KIAA1755: variants seen among roughly 807,000 people sequenced by gnomAD.
KIAA1755 encodes the protein KIAA1755, also known as uncharacterized protein KIAA1755.
KIAA1755 carries 68 observed loss-of-function variants against 91.7 expected under a neutral mutation model. The observed-to-expected ratio is 0.74, with a 90% confidence interval of 0.61 to 0.91. The LOEUF (loss-of-function observed/expected upper bound fraction) is 0.91. Among genes scored for constraint, KIAA1755 ranks in the 40% least tolerant of loss-of-function variants. The pLI is 0.00. For synonymous variants in KIAA1755, 610 were observed against 604.6 expected (o/e 1.01, Z -0.13); for missense variants, 1,535 against 1,494.4 (o/e 1.03, Z -0.45).
At chr20:38,245,880 G>T (rs2123273285) in intron 2 of KIAA1755, 49 bp downstream of exon 2, 1 of 1,580,572 alleles carries the variant, frequency 6.3e-7, no homozygotes, top group Non-Finnish European at 8.7e-7. Flanking sequence ...CTAGCCCCAT[G>T]ACTTTCTGGA....
chr20:38,212,442 A>G lies in KIAA1755; in HGVS notation c.*600T>C, dbSNP rs1022442862. ...GCCCCATCTCTAAACATAAAATACA[A>G]TGAAGTTTTAAAAATTAAAAAAAAG... On this transcript the variant is annotated 3_prime_UTR_variant, in exon 14 of 14. Coordinates refer to ENST00000279024, the MANE Select transcript of KIAA1755 (RefSeq NM_001029864.2). 6.6e-6 allele frequency: 1 copy of G among 152,304 alleles called. No homozygotes were observed. The highest frequency in any genetic ancestry group is 2.1e-4 in the South Asian group (1 of 4,828). 9.4% of individuals were successfully genotyped at this position (152,304 alleles called of 1,614,324 possible). A position where few individuals can be genotyped will look rare whatever the true frequency, so the allele number is the denominator to read the frequency against.
chr20:38,229,021 C>T lies in KIAA1755; in HGVS notation c.1872-781G>A, dbSNP rs1196346642. ...CTACTCCTCTCCCATCCCCACCCCT[C>T]TAGCCATCTGGCCAGTGGGTACAGG... On this transcript the variant is annotated intron_variant, in intron 5 of 13. Transcript: ENST00000279024. 2.6e-5 allele frequency among the ~76,000 whole-genome samples: 4 copies of T among 152,192 alleles called. No individual in the cohort carries two copies. In the East Asian group the frequency reaches 7.7e-4, roughly 29 times the overall value.
At chr20:38,220,913 A>G (rs894725038) in intron 10 of KIAA1755, among the ~76,000 whole-genome samples, 2 of 152,252 alleles carry the variant, frequency 1.3e-5, no homozygotes, top group African/African-American at 4.8e-5. Flanking sequence ...CAAAGCCACA[A>G]GTCACTAAGG....
rs764652140 is a variant in KIAA1755, at chr20:38,245,964, T to C, written c.166A>G (p.Lys56Glu). ...SFLLDFLIPA[K>E]RLCEQVREAA... ...TCTCGCACTTGCTCACACAGGCGCT[T>C]GGCAGGGATCAGGAAATCCAGAAGG... The change falls in exon 2 of 14, where the codon AAG becomes GAG. Residue 56 changes from lysine to glutamate, a missense_variant. Lys to Glu is a moderately conservative substitution (Grantham distance 56). Coordinates refer to ENST00000279024, the MANE Select transcript of KIAA1755 (RefSeq NM_001029864.2). 1 of 1,614,150 alleles carries C rather than the reference T, an allele frequency of 6.2e-7. No homozygotes were observed. Among genetic ancestry groups the C allele is most frequent in the African/African-American group, 1.3e-5 (1 of 75,014 alleles).
chr20:38,245,687 C>G lies in KIAA1755; in HGVS notation c.201+242G>C, dbSNP rs62201491. Among the ~76,000 whole-genome samples the G allele has an allele frequency of 3.4e-3, 525 of 152,278 alleles. 2 individuals carry two copies. Among genetic ancestry groups the G allele is most frequent in the Non-Finnish European group, 5.2e-3 (353 of 68,016 alleles). On this transcript the variant is annotated intron_variant, in intron 2 of 13. Coordinates refer to ENST00000279024, the MANE Select transcript of KIAA1755 (RefSeq NM_001029864.2). ...GCCCCCAAGGATGCCTTTACTCAGG[C>G]CTTCTTCTCTGCTGGTGACAGTACA...
intron 11 of KIAA1755, 48 bp from the exon 12 acceptor site, chr20:38,218,414 T>C: frequency 6.2e-7 from 1 of 1,606,936 alleles, no homozygotes; most frequent in Non-Finnish European, 8.5e-7. Context: ...CTAGGAGACC[T>C]CCCTTGTCCA....
At position 38,210,523 on chromosome 20, in the gene KIAA1755, T is replaced by C. The variant is rs1241153976; in HGVS notation, c.*2519A>G. The C allele has an allele frequency of 1.3e-5, 2 of 152,256 alleles. No individual in the cohort carries two copies. The highest frequency in any genetic ancestry group is 6.5e-5 in the Admixed American group (1 of 15,284). The allele number at this position is 152,256 out of a possible 1,614,324, so 9.4% of individuals were successfully genotyped here. On this transcript the variant is annotated 3_prime_UTR_variant, in exon 14 of 14. Coordinates refer to ENST00000279024, the MANE Select transcript of KIAA1755 (RefSeq NM_001029864.2). The stretch of plus-strand genomic sequence containing the variant: ...AAATGTTAGCTGTTATTATTCGATA[T>C]TTTTATACATTGTTACTCATTATGA...
chr20:38,251,068 TTATA>T (rs2123312427), intron 1 of KIAA1755, among the ~76,000 whole-genome samples: 1 of 152,004 alleles, frequency 6.6e-6, no homozygotes, highest in South Asian at 2.1e-4. Context: ...AATATATTAC[TTATA>T]TAAAGTATAT....
intron 1 of KIAA1755, among the ~76,000 whole-genome samples, chr20:38,247,010 G>A (rs1274238453): frequency 2.0e-5 from 3 of 152,008 alleles, no homozygotes; most frequent in African/African-American, 7.3e-5. Flanking sequence ...GCCTCTTCCA[G>A]GAAGGGATCC....
At chr20:38,220,360 GC>G (rs1223875222) in intron 10 of KIAA1755, among the ~76,000 whole-genome samples, 3 of 149,894 alleles carry the variant, frequency 2.0e-5, no homozygotes, top group Admixed American at 1.3e-4. Flanking sequence ...GGTCACCCAG[GC>G]TAGAGTGCAG....
At chr20:38,249,084 C>A (rs1401401908) in intron 1 of KIAA1755, among the ~76,000 whole-genome samples, 2 of 152,148 alleles carry the variant, frequency 1.3e-5, no homozygotes, top group Non-Finnish European at 2.9e-5. Flanking sequence ...CCATGTTGCC[C>A]AGGCTGGTCT....
chr20:38,239,768 A>T, intron 3 of KIAA1755, 43 bp from the exon 4 acceptor site: 1 of 1,553,108 alleles, frequency 6.4e-7, no homozygotes, highest in Non-Finnish European at 8.8e-7. Context: ...TAAGCAGAAG[A>T]TGGGCTTTCT....
intron 13 of KIAA1755, among the ~76,000 whole-genome samples, chr20:38,213,975 G>A (rs117759629): frequency 0.024 from 3,481 of 143,598 alleles, 70 homozygotes; most frequent in Middle Eastern, 0.037. Flanking sequence ...TTTTTGAGAT[G>A]GAGTCTCGCT....
chr20:38,241,802 T>C lies in KIAA1755; in HGVS notation c.329A>G (p.Glu110Gly), dbSNP rs1418472652. Reference protein sequence around the residue: ...LRQGDFYLQVEPQEEQSVCIM... With the variant: ...LRQGDFYLQVGPQEEQSVCIM... Reference sequence around the variant, plus strand: ...GCAGACAGACTGCTCCTCCTGGGGCTCCACTTGGAGGTAGAAGTCACCCTG... The same window carrying C: ...GCAGACAGACTGCTCCTCCTGGGGCCCCACTTGGAGGTAGAAGTCACCCTG... Residue 110 changes from glutamate (E) to glycine (G), a missense_variant, in exon 3 of 14, where the codon GAG becomes GGG. Transcript: ENST00000279024. 1.2e-6 allele frequency: 2 copies of C among 1,614,148 alleles called. No individual in the cohort carries two copies. Among genetic ancestry groups the C allele is most frequent in the African/African-American group, 2.7e-5 (2 of 75,020 alleles).
chr20:38,225,474 A>C, intron 8 of KIAA1755, 191 bp downstream of exon 8: 1 of 584,476 alleles, frequency 1.7e-6, no homozygotes, highest in Non-Finnish European at 3.1e-6. Flanking sequence ...CAGAGCTGGG[A>C]TTGCAATGTA....
chr20:38,217,048 A>C, intron 13 of KIAA1755: 1 of 636,630 alleles, frequency 1.6e-6, no homozygotes, highest in Non-Finnish European at 2.9e-6. Flanking sequence ...GTGTCTGGGT[A>C]TCCCTGTCCC....
In KIAA1755 at chr20:38,232,630, A is replaced by G. The variant is rs1265190104; in HGVS notation, c.1748-1305T>C. Among the ~76,000 whole-genome samples the G allele has an allele frequency of 3.1e-5, 4 of 128,370 alleles. No individual in the cohort carries two copies. In the South Asian group the frequency reaches 1.1e-3, roughly 35 times the overall value. 84.2% of individuals were successfully genotyped at this position (128,370 alleles called of 152,430 possible). ...GCGACAGAGTGAGACTCTGTCTCAG[A>G]AAAAAAAAAAAAAAAATTTGTGTGT... On this transcript the variant is annotated intron_variant, in intron 4 of 13. Transcript: ENST00000279024.
chr20:38,249,956 C>T lies in KIAA1755; in HGVS notation c.4-3830G>A, dbSNP rs1336605263. 4.6e-5 allele frequency among the ~76,000 whole-genome samples: 7 copies of T among 152,340 alleles called. No homozygotes were observed. The South Asian group carries it at 1.4e-3, about 32-fold the overall frequency. On this transcript the variant is annotated intron_variant, in intron 1 of 13. Coordinates refer to ENST00000279024, the MANE Select transcript of KIAA1755 (RefSeq NM_001029864.2). ...TCTGTTGAGACGTTGGCTCCAGCCT[C>T]TCTGTGCAGCCTTGAGTAGGTCCTT...
At chr20:38,216,606 A>AT (rs199690669) in intron 13 of KIAA1755, among the ~76,000 whole-genome samples, 21 of 151,760 alleles carry the variant, frequency 1.4e-4, no homozygotes, top group Non-Finnish European at 2.7e-4. Flanking sequence ...TTTTCCCATA[A>AT]TTTTTTTTTA....
Sources: gnomAD v4.1 joint callset for allele counts (sites outside exome capture counted in the v4.1 genomes callset) on GRCh38, gnomAD v4.1.1 for gene constraint, MANE v1.5 for transcripts, NCBI Gene and HGNC (gene_info 2026-07-23, HGNC 2026-07-21) for gene names.